Variants in FBXW11 observed in about 807,000 individuals in gnomAD.
FBXW11 encodes F-box/WD repeat-containing protein 11.
Under a neutral mutation model 77.6 loss-of-function variants are expected in FBXW11, and 19 were observed. The observed-to-expected ratio is 0.24, with a 90% confidence interval of 0.17 to 0.36. The LOEUF is 0.36. Among genes scored for constraint, FBXW11 ranks in the 10% least tolerant of loss-of-function variants. FBXW11 has a pLI of 1.00. For synonymous variants in FBXW11, 235 were observed against 249.4 expected, an observed-to-expected ratio of 0.94 and a Z score of 0.54; for missense variants, 334 against 704.2, an observed-to-expected ratio of 0.47 and a Z score of 5.95.
At chr5:171,898,441 C>T (rs976152538) in intron 6 of FBXW11, among the ~76,000 whole-genome samples, 9 of 152,150 alleles carry the variant, frequency 5.9e-5, no homozygotes, top group African/African-American at 9.7e-5. Flanking sequence ...AACACATGAA[C>T]GATATCAAAC....
At chr5:171,924,590 G>C (rs1404337130) in intron 2 of FBXW11, among the ~76,000 whole-genome samples, 1 of 152,020 alleles carries the variant, frequency 6.6e-6, no homozygotes. Context: ...AGGACCTACC[G>C]AACATGGGTA....
intron 1 of FBXW11, among the ~76,000 whole-genome samples, chr5:172,002,890 G>C (rs1015008853): frequency 9.9e-5 from 15 of 151,324 alleles, no homozygotes; most frequent in African/African-American, 3.6e-4. Context: ...GTAGAGACAG[G>C]GTTTTGTTAT....
chr5:171,949,622 C>T (rs932322796), intron 2 of FBXW11, among the ~76,000 whole-genome samples: 72 of 151,810 alleles, frequency 4.7e-4, no homozygotes, highest in African/African-American at 1.7e-3. Flanking sequence ...ATAAAGAGTT[C>T]CTATAAATCA....
At chr5:171,918,516 A>G (rs903328486) in intron 2 of FBXW11, among the ~76,000 whole-genome samples, 10 of 152,294 alleles carry the variant, frequency 6.6e-5, no homozygotes, top group Admixed American at 5.9e-4. Context: ...TAAGTCTCCA[A>G]CACTTATGAG....
At chr5:171,913,816 C>T (rs1044509189) in intron 3 of FBXW11, among the ~76,000 whole-genome samples, 1 of 132,520 alleles carries the variant, frequency 7.5e-6, no homozygotes, top group African/African-American at 2.8e-5. Flanking sequence ...ACCACACACA[C>T]ATACACACAC....
In FBXW11 at chr5:171,868,598, G is replaced by GA. The variant is rs1300793517; in HGVS notation, c.*25+11dup. ...AATCAGCAAAATTGGAAGGGGAGAG[G>GA]ATAGTACTCACCTGAAACGGGTGAA... On this transcript the variant is annotated intron_variant, in intron 13 of 13. Transcript: ENST00000517395. 2 of 1,594,850 alleles carry GA rather than the reference G, an allele frequency of 1.3e-6. No homozygotes were observed. The highest frequency in any genetic ancestry group is 1.7e-6 in the Non-Finnish European group (2 of 1,170,316).
In FBXW11 at chr5:171,942,828, T is replaced by A. The variant is rs567913799; in HGVS notation, c.147+14769A>T. Among the ~76,000 whole-genome samples, 35 of 152,140 alleles carry A rather than the reference T, an allele frequency of 2.3e-4. No homozygotes were observed. The East Asian group carries it at 6.4e-3, about 28-fold the overall frequency. ...AAAATTAATTAATTAATCAATTAAA[T>A]TTTTTAAATTTAATTAAAAATAAAT... On this transcript the variant is annotated intron_variant, in intron 2 of 13. Transcript: ENST00000517395.
intron 13 of FBXW11, among the ~76,000 whole-genome samples, chr5:171,866,577 C>T (rs1757407763): frequency 6.6e-6 from 1 of 152,154 alleles, no homozygotes; most frequent in Non-Finnish European, 1.5e-5. Flanking sequence ...ATCTCTCAAC[C>T]AAAGGAATCT....
At chr5:171,998,663 G>A (rs1766218870) in intron 1 of FBXW11, among the ~76,000 whole-genome samples, 1 of 151,604 alleles carries the variant, frequency 6.6e-6, no homozygotes, top group Middle Eastern at 3.2e-3. Context: ...CGGGCCTGGT[G>A]GCACATGCCT....
At chr5:171,992,288 T>G (rs1384382224) in intron 1 of FBXW11, among the ~76,000 whole-genome samples, 1 of 148,966 alleles carries the variant, frequency 6.7e-6, no homozygotes, top group East Asian at 2.0e-4. Context: ...ATTAGCCGGG[T>G]GGGTTGGCAT....
rs1758104818 is a variant in FBXW11 at position 171,876,704 on chromosome 5, T to C, written c.972-170A>G. On this transcript the variant is annotated intron_variant, in intron 8 of 13. Transcript: ENST00000517395. The surrounding 1 kb of genome is among the most constrained non-coding windows in gnomAD (Gnocchi z 4.2). ...GTTGGAGGTGGGGCCTGGCAGGAGA[T>C]GTTTTGGGTCATGGTGGTGTATCAC... 6.6e-6 allele frequency among the ~76,000 whole-genome samples: 1 copy of C among 152,120 alleles called. No homozygotes were observed. The highest frequency in any genetic ancestry group is 6.5e-5 in the Admixed American group (1 of 15,282).
chr5:171,945,539 T>C (rs1762963705), intron 2 of FBXW11, among the ~76,000 whole-genome samples: 1 of 152,186 alleles, frequency 6.6e-6, no homozygotes, highest in Non-Finnish European at 1.5e-5. Flanking sequence ...TGAAGAAAGA[T>C]AATATATGGG....
intron 1 of FBXW11, among the ~76,000 whole-genome samples, chr5:171,975,720 G>A (rs546485534): frequency 2.6e-5 from 4 of 152,224 alleles, no homozygotes; most frequent in South Asian, 4.1e-4. Flanking sequence ...TGTAAATCTG[G>A]CAAACAGTAG....
intron 2 of FBXW11, among the ~76,000 whole-genome samples, chr5:171,938,645 T>C (rs1031652845): frequency 2.0e-5 from 3 of 152,200 alleles, no homozygotes; most frequent in Admixed American, 2.0e-4. Context: ...CAATTCCACT[T>C]ACAGGAATTC....
chr5:171,959,053 A>T (rs527819961), intron 1 of FBXW11, among the ~76,000 whole-genome samples: 42 of 151,020 alleles, frequency 2.8e-4, no homozygotes, highest in African/African-American at 9.5e-4. Context: ...GTTCCTATCT[A>T]GTATCTGTCA....
intron 2 of FBXW11, among the ~76,000 whole-genome samples, chr5:171,936,025 T>G (rs1190237882): frequency 2.0e-5 from 3 of 148,904 alleles, no homozygotes; most frequent in Non-Finnish European, 4.4e-5. Context: ...ATAGGAGAAC[T>G]GCTTGAACCT....
chr5:171,916,477 T>C (rs1386421963), intron 2 of FBXW11: 1 of 985,200 alleles, frequency 1.0e-6, no homozygotes, highest in East Asian at 1.1e-4. Flanking sequence ...AGGAAGGCAG[T>C]GTGTCCAAGA....
At chr5:172,005,897 C>A (rs1482774534) in intron 1 of FBXW11, among the ~76,000 whole-genome samples, 2 of 151,948 alleles carry the variant, frequency 1.3e-5, no homozygotes, top group African/African-American at 2.4e-5. Flanking sequence ...TTATCCGCCA[C>A]AGCCTCAAAC....
At chr5:171,884,012 C>T (rs547383716) in intron 7 of FBXW11, among the ~76,000 whole-genome samples, 2 of 152,252 alleles carry the variant, frequency 1.3e-5, no homozygotes, top group South Asian at 2.1e-4. Context: ...GCTAACTGTT[C>T]CTTGTGCTGT....
Sources: allele counts gnomAD v4.1 joint callset (sites outside exome capture counted in the v4.1 genomes callset), GRCh38; gene constraint gnomAD v4.1.1; non-coding constraint Gnocchi (gnomAD v3.1); transcripts MANE v1.5; gene names NCBI Gene and HGNC (gene_info 2026-07-23, HGNC 2026-07-21).